KCNMA1: variants seen among roughly 807,000 people sequenced by gnomAD.
KCNMA1 encodes the protein Calcium-activated potassium channel subunit alpha-1.
KCNMA1 carries 29 observed loss-of-function variants against 140.0 expected under a neutral mutation model. The ratio of observed to expected loss-of-function variants is 0.21; its 90% CI spans 0.15 to 0.28. KCNMA1 has a LOEUF of 0.28. Ranked by LOEUF, KCNMA1 falls within the 10% of genes least tolerant of loss-of-function variation. The probability of loss-of-function intolerance (pLI) is 1.00; values close to 1 mark genes in which losing one functional copy is unlikely to be tolerated. For synonymous variants in KCNMA1, 612 were observed against 611.9 expected (o/e 1.00, Z 0.00); for missense variants, 880 against 1,602.2 (o/e 0.55, Z 7.70).
chr10:76,967,159 G>A (rs1022647861), intron 20 of KCNMA1, among the ~76,000 whole-genome samples: 1 of 152,188 alleles, frequency 6.6e-6, no homozygotes, highest in South Asian at 2.1e-4. Context: ...GGGTTCTCCA[G>A]TTCCTCTTGG....
At chr10:76,952,090 T>A (rs995049708) in intron 21 of KCNMA1, 2 of 1,552,190 alleles carry the variant, frequency 1.3e-6, no homozygotes, top group African/African-American at 2.7e-5. Flanking sequence ...TCAGTTGGCA[T>A]GCATACTACA....
chr10:77,038,201 G>A (rs11001981), intron 15 of KCNMA1, among the ~76,000 whole-genome samples: 12,494 of 152,100 alleles, frequency 0.082, 654 homozygotes, highest in Non-Finnish European at 0.12. Flanking sequence ...CAAGCGCTCC[G>A]CCTCCCTCCC....
intron 2 of KCNMA1, among the ~76,000 whole-genome samples, chr10:77,317,614 C>T (rs1242951027): frequency 6.6e-6 from 1 of 152,168 alleles, no homozygotes; most frequent in Non-Finnish European, 1.5e-5. Flanking sequence ...ATTGAAGATG[C>T]GAAGCCCATT....
chr10:76,961,451 G>A (rs2071391788), intron 20 of KCNMA1, among the ~76,000 whole-genome samples: 1 of 152,166 alleles, frequency 6.6e-6, no homozygotes, highest in Non-Finnish European at 1.5e-5. Context: ...AAGATTCTGT[G>A]AGCATTGTTG....
At chr10:77,293,044 G>A (rs1028689958) in intron 2 of KCNMA1, among the ~76,000 whole-genome samples, 3 of 152,170 alleles carry the variant, frequency 2.0e-5, no homozygotes, top group African/African-American at 7.2e-5. Flanking sequence ...GAGCATGGCA[G>A]GCAGAGGGAA....
chr10:76,914,104 TTGAC>T, intron 24 of KCNMA1: 1 of 1,550,524 alleles, frequency 6.4e-7, no homozygotes, highest in Non-Finnish European at 8.7e-7. Flanking sequence ...TTTTTCCTGA[TTGAC>T]TGATACCAAA....
At position 77,405,450 on chromosome 10, in the gene KCNMA1, C is replaced by T. The variant is rs146931571; in HGVS notation, c.379-1427G>A. Among the ~76,000 whole-genome samples the T allele has an allele frequency of 2.3e-3, 353 of 152,284 alleles. 3 individuals are homozygous for T. Among genetic ancestry groups the T allele is most frequent in the African/African-American group, 7.3e-3 (304 of 41,554 alleles). On this transcript the variant is annotated intron_variant, in intron 1 of 27. Transcript: ENST00000286628. ...GACTAGAAAGGGCTATGAGTATCAGCCCCTCGTTAGCTACAAAGGCTGGGT... is the reference window on the plus strand; with the variant it reads ...GACTAGAAAGGGCTATGAGTATCAGTCCCTCGTTAGCTACAAAGGCTGGGT...
intron 2 of KCNMA1, among the ~76,000 whole-genome samples, chr10:77,333,368 AAAAGAAAGAAAGAGAGAAAG>A (rs2087349091): frequency 6.6e-6 from 1 of 150,628 alleles, no homozygotes; most frequent in South Asian, 2.1e-4. Context: ...AAAAAAAGAA[AAAAGAAAGAAAGAGAGAAAG>A]AAAGAAAGAA....
At chr10:76,948,056 G>A (rs1329362417) in intron 22 of KCNMA1, among the ~76,000 whole-genome samples, 1 of 152,094 alleles carries the variant, frequency 6.6e-6, no homozygotes, top group Non-Finnish European at 1.5e-5. Context: ...CCAGGCTGGA[G>A]TGCAGTGGTG....
chr10:77,418,525 C>G (rs1465593366), intron 1 of KCNMA1, among the ~76,000 whole-genome samples: 2 of 152,148 alleles, frequency 1.3e-5, no homozygotes, highest in African/African-American at 2.4e-5. Flanking sequence ...CCAGACAGAG[C>G]TCACCGAGTG....
chr10:77,635,342 T>C (rs2093634354), intron 1 of KCNMA1: 1 of 152,160 alleles, frequency 6.6e-6, no homozygotes, highest in Non-Finnish European at 1.5e-5. Context: ...CACAACTTAT[T>C]TTCAATCATG....
chr10:77,081,838 T>C (rs74792793), intron 12 of KCNMA1, among the ~76,000 whole-genome samples: 2,540 of 152,046 alleles, frequency 0.017, 74 homozygotes, highest in African/African-American at 0.059. Flanking sequence ...AGGAGGCAGA[T>C]TGGTCTCATT....
chr10:76,882,488 C>T (rs11596101), downstream of KCNMA1, among the ~76,000 whole-genome samples: 18,316 of 152,122 alleles, frequency 0.12, 1,262 homozygotes, highest in East Asian at 0.34. Context: ...ATGCCTCCTC[C>T]GTCCCCACCC....
intron 1 of KCNMA1, among the ~76,000 whole-genome samples, chr10:77,453,379 A>G (rs2097699641): frequency 6.6e-6 from 1 of 151,942 alleles, no homozygotes; most frequent in Admixed American, 6.6e-5. Context: ...ATAAATAAAT[A>G]AATAAATAAA....
intron 2 of KCNMA1, among the ~76,000 whole-genome samples, chr10:77,268,713 C>T (rs1350928180): frequency 6.6e-6 from 1 of 152,188 alleles, no homozygotes; most frequent in African/African-American, 2.4e-5. Context: ...GTGTCATATG[C>T]TCTCTGTACC....
At position 77,501,606 on chromosome 10, in the gene KCNMA1, C is replaced by T. The variant is rs142851770; in HGVS notation, c.379-97583G>A. Among the ~76,000 whole-genome samples the T allele has an allele frequency of 2.3e-3, 347 of 152,324 alleles. 5 individuals are homozygous for T. The South Asian group carries it at 0.025, about 11-fold the overall frequency. On this transcript the variant is annotated intron_variant, in intron 1 of 27. Coordinates refer to ENST00000286628, the MANE Select transcript of KCNMA1 (RefSeq NM_001161352.2). The stretch of plus-strand genomic sequence containing the variant: ...CGGCCCTCTATCCCTGCCCCCCAGC[C>T]TGATTCCTCCTCCCCCTGGCAAGAC...
chr10:77,523,209 C>T (rs570819772), intron 1 of KCNMA1, among the ~76,000 whole-genome samples: 10 of 149,882 alleles, frequency 6.7e-5, no homozygotes, highest in Admixed American at 5.3e-4. Context: ...ACGTGCCCCC[C>T]CCCCTTGCAA....
intron 1 of KCNMA1, among the ~76,000 whole-genome samples, chr10:77,627,648 C>CTG (rs1238005921): frequency 6.6e-6 from 1 of 152,240 alleles, no homozygotes; most frequent in Admixed American, 6.5e-5. Context: ...CCACCCAGCT[C>CTG]TGTCCCTTCC....
intron 1 of KCNMA1, among the ~76,000 whole-genome samples, chr10:77,515,229 C>T (rs756727427): frequency 3.3e-5 from 5 of 152,108 alleles, no homozygotes; most frequent in East Asian, 1.9e-4. Flanking sequence ...GAAAGGAGAG[C>T]GTGCAATGGC....
Sources: gnomAD v4.1 joint callset for allele counts (sites outside exome capture counted in the v4.1 genomes callset) on GRCh38, gnomAD v4.1.1 for gene constraint, MANE v1.5 for transcripts, NCBI Gene and HGNC (gene_info 2026-07-23, HGNC 2026-07-21) for gene names.